PPM1L: variants seen among roughly 807,000 people sequenced by gnomAD.
PPM1L encodes the protein protein phosphatase 1L.
A neutral mutation model predicts 31.4 loss-of-function variants in PPM1L; 13 were observed. That is an observed-to-expected ratio of 0.41 (90% CI 0.27 to 0.66). The LOEUF is 0.66. PPM1L is among the 30% of genes least tolerant of loss of function. PPM1L has a pLI of 0.29. For synonymous variants in PPM1L, 184 were observed against 175.4 expected (o/e 1.05, Z -0.39); for missense variants, 326 against 453.7 (o/e 0.72, Z 2.56).
At chr3:160,829,551 T>C (rs894988074) in intron 1 of PPM1L, among the ~76,000 whole-genome samples, 3 of 152,146 alleles carry the variant, frequency 2.0e-5, no homozygotes, top group Non-Finnish European at 4.4e-5. Flanking sequence ...TGTTTTTGAG[T>C]GGACATCAGA....
intron 1 of PPM1L, among the ~76,000 whole-genome samples, chr3:160,808,383 C>CTCTGTGTGTGTGTGTGTGTGTGTG (rs1204425630): frequency 9.1e-6 from 1 of 110,310 alleles, no homozygotes; most frequent in African/African-American, 3.6e-5. Flanking sequence ...CAGGATTTTC[C>CTCTGTGTGTGTGTGTGTGTGTGTG]TGTGTGTGTG....
intron 1 of PPM1L, among the ~76,000 whole-genome samples, chr3:160,915,865 G>C (rs1458076273): frequency 6.6e-6 from 1 of 152,124 alleles, no homozygotes; most frequent in Non-Finnish European, 1.5e-5. Flanking sequence ...TATGTAGAAA[G>C]CTGAAACTGG....
chr3:161,002,056 C>A (rs998060450), intron 2 of PPM1L, among the ~76,000 whole-genome samples: 2 of 144,836 alleles, frequency 1.4e-5, no homozygotes, highest in Non-Finnish European at 1.5e-5. Flanking sequence ...TCTCATTGTT[C>A]AATTCCCACC....
chr3:160,878,667 A>G (rs1712599446), intron 1 of PPM1L, among the ~76,000 whole-genome samples: 2 of 152,202 alleles, frequency 1.3e-5, no homozygotes, highest in South Asian at 2.1e-4. Flanking sequence ...CATTCAGTCC[A>G]TAACAGGGCC....
intron 1 of PPM1L, among the ~76,000 whole-genome samples, chr3:160,844,820 C>G (rs1360979364): frequency 6.6e-6 from 1 of 151,996 alleles, no homozygotes. Flanking sequence ...CAGAGTTGTG[C>G]AACTGTCATT....
At chr3:160,955,646 C>T (rs1414484575) in intron 1 of PPM1L, among the ~76,000 whole-genome samples, 4 of 143,734 alleles carry the variant, frequency 2.8e-5, no homozygotes, top group African/African-American at 1.0e-4. Context: ...GGCTGGCTAA[C>T]AAGTTTTCTT....
chr3:160,890,347 A>G (rs1000945044), intron 1 of PPM1L, among the ~76,000 whole-genome samples: 1 of 152,214 alleles, frequency 6.6e-6, no homozygotes, highest in Admixed American at 6.5e-5. Flanking sequence ...TACACCAACA[A>G]TAGACAAGCA....
Position 160,895,823 on chromosome 3 carries a change from G to C in PPM1L, c.400-65913G>C, listed in dbSNP as rs1248905874. 1.3e-5 allele frequency among the ~76,000 whole-genome samples: 2 copies of C among 152,140 alleles called. 1 individual carries two copies. The highest frequency in any genetic ancestry group is 1.3e-4 in the Admixed American group (2 of 15,276). ...TAAAGTGGTCTAATATTGTTACCAA[G>C]TAATCCCCAAAAGTTTTTAAATTGG... On this transcript the variant is annotated intron_variant, in intron 1 of 3. Coordinates refer to ENST00000498165, the MANE Select transcript of PPM1L (RefSeq NM_139245.4).
chr3:160,818,533 C>T (rs539642429), intron 1 of PPM1L, among the ~76,000 whole-genome samples: 8 of 151,956 alleles, frequency 5.3e-5, no homozygotes, highest in East Asian at 3.9e-4. Flanking sequence ...AATAACCAGA[C>T]GATAGGGTTT....
chr3:160,831,461 A>T, intron 1 of PPM1L, among the ~76,000 whole-genome samples: 1 of 152,336 alleles, frequency 6.6e-6, no homozygotes, highest in East Asian at 1.9e-4. Context: ...TCAAAATTAT[A>T]TAGTTAAGAC....
chr3:160,965,112 G>A (rs1345486135), intron 2 of PPM1L, among the ~76,000 whole-genome samples: 8 of 151,658 alleles, frequency 5.3e-5, no homozygotes, highest in South Asian at 4.2e-4. Context: ...TTAGCCGGGC[G>A]TGGTGGTGGG....
intron 1 of PPM1L, among the ~76,000 whole-genome samples, chr3:160,780,021 G>A (rs1052270652): frequency 2.0e-5 from 3 of 151,700 alleles, no homozygotes; most frequent in Non-Finnish European, 2.9e-5. Flanking sequence ...ACTCATAAAT[G>A]CTAGCTTTTT....
At chr3:161,044,346 G>GTATT (rs66461506) in intron 2 of PPM1L, among the ~76,000 whole-genome samples, 61,951 of 143,020 alleles carry the variant, frequency 0.43, 13,890 homozygotes, top group East Asian at 0.75. Flanking sequence ...GGCCTGCCCT[G>GTATT]TATTTATTTA....
chr3:161,016,386 A>C, intron 2 of PPM1L, among the ~76,000 whole-genome samples: 1 of 152,242 alleles, frequency 6.6e-6, no homozygotes, highest in East Asian at 1.9e-4. Flanking sequence ...TATGCAAACA[A>C]ATATTTCCAG....
chr3:161,033,715 G>A (rs192531606), intron 2 of PPM1L, among the ~76,000 whole-genome samples: 63 of 152,204 alleles, frequency 4.1e-4, no homozygotes, highest in African/African-American at 1.1e-3. Flanking sequence ...AGACTTCAAC[G>A]TAAGACCTAA....
intron 2 of PPM1L, among the ~76,000 whole-genome samples, chr3:161,034,789 C>T (rs1258606110): frequency 2.0e-5 from 3 of 151,556 alleles, no homozygotes; most frequent in East Asian, 1.9e-4. Context: ...CACCATGGCA[C>T]GTGTATACCT....
intron 1 of PPM1L, among the ~76,000 whole-genome samples, chr3:160,787,222 C>A (rs1321226068): frequency 6.6e-6 from 1 of 152,190 alleles, no homozygotes; most frequent in Non-Finnish European, 1.5e-5. Context: ...TTTCCACCAG[C>A]AGTATATAAG....
At chr3:160,846,483 C>A (rs1035657815) in intron 1 of PPM1L, among the ~76,000 whole-genome samples, 3 of 151,986 alleles carry the variant, frequency 2.0e-5, no homozygotes, top group Admixed American at 2.0e-4. Context: ...TCATTGTGTG[C>A]CTTAAAAATG....
chr3:160,856,706 A>G (rs969804369), intron 1 of PPM1L, among the ~76,000 whole-genome samples: 3 of 152,050 alleles, frequency 2.0e-5, no homozygotes, highest in Admixed American at 2.0e-4. Context: ...ATCAGATACC[A>G]TGCTTATTAC....
Sources: allele counts gnomAD v4.1 joint callset (sites outside exome capture counted in the v4.1 genomes callset), GRCh38; gene constraint gnomAD v4.1.1; transcripts MANE v1.5; gene names NCBI Gene and HGNC (gene_info 2026-07-23, HGNC 2026-07-21).